Variants in FAM168B observed in about 807,000 individuals in gnomAD.
The protein encoded by FAM168B is family with sequence similarity 168 member B, also known as myelin-associated neurite-outgrowth inhibitor.
In FAM168B, 19 loss-of-function variants were observed where a neutral mutation model predicts 21.8. The observed-to-expected ratio is 0.87, with a 90% CI of 0.61 to 1.28. The LOEUF (loss-of-function observed/expected upper bound fraction) is 1.28, where lower values mean the gene tolerates loss of function less well. FAM168B is among the 50% of genes most tolerant of loss of function. The pLI is 0.00. For synonymous variants in FAM168B, 126 were observed against 104.8 expected, an observed-to-expected ratio of 1.20 and a Z score of -1.24; for missense variants, 233 against 263.1, an observed-to-expected ratio of 0.89 and a Z score of 0.79.
Position 131,071,824 on chromosome 2 carries a change from C to G in FAM168B, c.154+31G>C, listed in dbSNP as rs774074204. The G allele has an allele frequency of 3.2e-6, 5 of 1,580,128 alleles. No homozygotes were observed. In the Admixed American group the frequency reaches 5.0e-5, roughly 16 times the overall value. ...CCTTCACCTTTCTCTCCCAGCTGTA[C>G]GTACAAAGCATTTTACCACCCAGCA... is the stretch of plus-strand genomic sequence containing the variant. On this transcript the variant is annotated intron_variant, in intron 3 of 6. Coordinates refer to ENST00000389915, the MANE Select transcript of FAM168B (RefSeq NM_001009993.4).
At chr2:131,078,401 A>C (rs1167899670) in intron 2 of FAM168B, among the ~76,000 whole-genome samples, 2 of 152,204 alleles carry the variant, frequency 1.3e-5, no homozygotes, top group African/African-American at 4.8e-5. Flanking sequence ...GGAGAAAAAA[A>C]CAGAAACTAT....
intron 5 of FAM168B, among the ~76,000 whole-genome samples, chr2:131,054,161 A>T (rs1245493192): frequency 1.3e-5 from 2 of 151,904 alleles, no homozygotes; most frequent in Non-Finnish European, 2.9e-5. Flanking sequence ...GTAAGCTGAG[A>T]TCACACCACT....
chr2:131,083,091 C>T (rs912118106), intron 1 of FAM168B, among the ~76,000 whole-genome samples: 1 of 151,978 alleles, frequency 6.6e-6, no homozygotes, highest in Non-Finnish European at 1.5e-5. Context: ...CATGGTGGCT[C>T]GTGCCTGTAA....
chr2:131,072,048 AAGCAGCCCC>A (rs1256751211), intron 2 of FAM168B, 110 bp from the exon 3 acceptor site: 6 of 861,772 alleles, frequency 7.0e-6, no homozygotes, highest in Non-Finnish European at 1.1e-5. Context: ...CCACAGACTT[AAGCAGCCCC>A]AAGAGCACTA....
In FAM168B at chr2:131,051,219, C is replaced by T. The variant is rs528137977; in HGVS notation, c.*1246G>A. The stretch of plus-strand genomic sequence containing the variant: ...CCCCTCGCCCCATCTCTAAGCGTCC[C>T]CTCCAGCCGGCCTCAGCAGACAAGT... On this transcript the variant is annotated 3_prime_UTR_variant, in exon 7 of 7. Transcript: ENST00000389915. 3.0e-6 allele frequency: 3 copies of T among 985,006 alleles called. No homozygotes were observed. Among genetic ancestry groups the T allele is most frequent in the African/African-American group, 1.7e-5 (1 of 57,208 alleles). The allele number at this position is 985,006 out of a possible 1,614,324, so 61.0% of individuals were successfully genotyped here. A position where few individuals can be genotyped will look rare whatever the true frequency, so the allele number is the denominator to read the frequency against.
chr2:131,057,575 C>A (rs1396269843), intron 3 of FAM168B, among the ~76,000 whole-genome samples: 1 of 152,084 alleles, frequency 6.6e-6, no homozygotes, highest in African/African-American at 2.4e-5. Context: ...CAAAACCCAC[C>A]CAGTTGAGCA....
Position 131,049,657 on chromosome 2 carries a change from A to AGCC in FAM168B, c.*2805_*2807dup. The AGCC allele has an allele frequency of 1.0e-6, 1 of 985,732 alleles. No homozygotes were observed. Among genetic ancestry groups the AGCC allele is most frequent in the Non-Finnish European group, 1.2e-6 (1 of 829,936 alleles). The allele number at this position is 985,732 out of a possible 1,614,324, so 61.1% of individuals were successfully genotyped here. ...GGTGTAGAACAAATATTTTTTAAATAGCCATCATGATGTCCATGTTTACAT... is the reference window on the plus strand; with the variant it reads ...GGTGTAGAACAAATATTTTTTAAATAGCCGCCATCATGATGTCCATGTTTACAT... On this transcript the variant is annotated 3_prime_UTR_variant, in exon 7 of 7. Coordinates refer to ENST00000389915, the MANE Select transcript of FAM168B (RefSeq NM_001009993.4).
chr2:131,077,509 TC>T (rs1693218438), intron 2 of FAM168B, among the ~76,000 whole-genome samples: 1 of 152,204 alleles, frequency 6.6e-6, no homozygotes, highest in Non-Finnish European at 1.5e-5. Flanking sequence ...TGCTGGATTT[TC>T]CTATGTGATA....
intron 3 of FAM168B, among the ~76,000 whole-genome samples, chr2:131,070,885 G>A (rs1452230965): frequency 6.6e-6 from 1 of 152,172 alleles, no homozygotes; most frequent in Non-Finnish European, 1.5e-5. Context: ...CACAGTCATG[G>A]GAAACCACTG....
At chr2:131,074,798 C>T (rs1693053151) in intron 2 of FAM168B, among the ~76,000 whole-genome samples, 1 of 152,156 alleles carries the variant, frequency 6.6e-6, no homozygotes, top group South Asian at 2.1e-4. Flanking sequence ...TACAGCTCCT[C>T]ACGTGCCTCC....
intron 2 of FAM168B, among the ~76,000 whole-genome samples, chr2:131,075,966 G>A (rs1295155566): frequency 1.3e-5 from 2 of 151,994 alleles, no homozygotes; most frequent in African/African-American, 2.4e-5. Flanking sequence ...TGCTCCCATC[G>A]CCTCATCCCA....
In FAM168B at chr2:131,088,331, C is replaced by A. The variant is rs1693824236; in HGVS notation, c.-12+4883G>T. Among the ~76,000 whole-genome samples, 4 of 151,724 alleles carry A rather than the reference C, an allele frequency of 2.6e-5. No individual in the cohort carries two copies. In the South Asian group the frequency reaches 6.2e-4, roughly 24 times the overall value. ...GAGTAGGAGGGAATATGCTGAATGA[C>A]ACCATGAAACAATCAGACAAACCCC... On this transcript the variant is annotated intron_variant, in intron 1 of 6. Coordinates refer to ENST00000389915, the MANE Select transcript of FAM168B (RefSeq NM_001009993.4).
chr2:131,050,979 G>A lies in FAM168B; in HGVS notation c.*1486C>T, dbSNP rs1343888318. 1.0e-6 allele frequency: 1 copy of A among 985,292 alleles called. No individual in the cohort carries two copies. Among genetic ancestry groups the A allele is most frequent in the South Asian group, 4.7e-5 (1 of 21,288 alleles). The allele number at this position is 985,292 out of a possible 1,614,324, so 61.0% of individuals were successfully genotyped here. On this transcript the variant is annotated 3_prime_UTR_variant, in exon 7 of 7. Transcript: ENST00000389915. ...ATGCACTCTCATGGATACAGGACGGGCATATTTTGGGGGCGGGGTGGAGGG... is the reference window on the plus strand; with the variant it reads ...ATGCACTCTCATGGATACAGGACGGACATATTTTGGGGGCGGGGTGGAGGG...
At chr2:131,065,428 C>A (rs1230098195) in intron 3 of FAM168B, among the ~76,000 whole-genome samples, 1 of 152,160 alleles carries the variant, frequency 6.6e-6, no homozygotes, top group Non-Finnish European at 1.5e-5. Flanking sequence ...CCCTCGGCTG[C>A]CATGCATGAA....
chr2:131,062,966 A>T (rs1288688240), intron 3 of FAM168B, among the ~76,000 whole-genome samples: 1 of 152,232 alleles, frequency 6.6e-6, no homozygotes, highest in Non-Finnish European at 1.5e-5. Context: ...AGATATACTG[A>T]GGACCACAAC....
Position 131,049,840 on chromosome 2 carries a change from T to C in FAM168B, c.*2625A>G. The C allele has an allele frequency of 1.0e-6, 1 of 985,844 alleles. No individual in the cohort carries two copies. Among genetic ancestry groups the C allele is most frequent in the Non-Finnish European group, 1.2e-6 (1 of 829,938 alleles). The allele number at this position is 985,844 out of a possible 1,614,324, so 61.1% of individuals were successfully genotyped here. ...CAAATTATGAAGCTTTGTAACAGAA[T>C]TTTGACCCAAGTTCTATTTCTTAAT... On this transcript the variant is annotated 3_prime_UTR_variant, in exon 7 of 7. Coordinates refer to ENST00000389915, the MANE Select transcript of FAM168B (RefSeq NM_001009993.4).
intron 3 of FAM168B, 102 bp downstream of exon 3, chr2:131,071,753 A>C (rs998744327): frequency 9.9e-7 from 1 of 1,009,312 alleles, no homozygotes; most frequent in Non-Finnish European, 1.5e-6. Flanking sequence ...TGAGAAATCG[A>C]CTCAACCAAG....
chr2:131,086,658 T>C (rs1314626881), intron 1 of FAM168B, among the ~76,000 whole-genome samples: 1 of 152,228 alleles, frequency 6.6e-6, no homozygotes, highest in Non-Finnish European at 1.5e-5. Context: ...TTTAGTTTAA[T>C]TAACTTCAAC....
chr2:131,072,640 G>C (rs1412617997), intron 2 of FAM168B, among the ~76,000 whole-genome samples: 1 of 151,482 alleles, frequency 6.6e-6, no homozygotes, highest in Non-Finnish European at 1.5e-5. Context: ...TGTATTTTTA[G>C]TAGAGACAAG....
Sources: gnomAD v4.1 joint callset for allele counts (sites outside exome capture counted in the v4.1 genomes callset) on GRCh38, gnomAD v4.1.1 for gene constraint, MANE v1.5 for transcripts, NCBI Gene and HGNC (gene_info 2026-07-23, HGNC 2026-07-21) for gene names.